HEATR1: variants seen among roughly 807,000 people sequenced by gnomAD.
HEATR1 encodes HEAT repeat containing 1.
In HEATR1, 77 loss-of-function variants were observed where a neutral mutation model predicts 248.2. That is an observed-to-expected ratio of 0.31 (90% CI 0.26 to 0.37). The LOEUF (loss-of-function observed/expected upper bound fraction) is 0.37, where lower values mean the gene tolerates loss of function less well. Ranked by LOEUF, HEATR1 falls within the 10% of genes least tolerant of loss-of-function variation. The probability of loss-of-function intolerance (pLI) is 1.00; values close to 1 mark genes in which losing one functional copy is unlikely to be tolerated. For missense variants in HEATR1, 2,420 were observed against 2,504.9 expected (o/e 0.97, Z 0.72); for synonymous variants, 897 against 923.1 (o/e 0.97, Z 0.51).
chr1:236,603,156 C>T lies in HEATR1; in HGVS notation c.359+4G>A, dbSNP rs921695490. 3.1e-6 allele frequency: 5 copies of T among 1,603,572 alleles called. No homozygotes were observed. The highest frequency in any genetic ancestry group is 4.3e-6 in the Non-Finnish European group (5 of 1,170,482). On this transcript the variant is annotated splice_donor_region_variant and intron_variant, in intron 3 of 44. Transcript: ENST00000366582. Reference sequence around the variant, plus strand: ...ATAGTTATTTCTGTAATTCTATTAGCTACCTGTGAATCAACCACTCCAGAC... The same window carrying T: ...ATAGTTATTTCTGTAATTCTATTAGTTACCTGTGAATCAACCACTCCAGAC...
chr1:236,576,709 C>A, intron 21 of HEATR1, 71 bp downstream of exon 21: 1 of 1,396,438 alleles, frequency 7.2e-7, no homozygotes, highest in Non-Finnish European at 9.8e-7. Context: ...AGTGAAATGT[C>A]GAGAATGGAG....
intron 28 of HEATR1, among the ~76,000 whole-genome samples, chr1:236,571,054 A>C (rs1000023963): frequency 6.6e-6 from 1 of 152,220 alleles, no homozygotes; most frequent in Non-Finnish European, 1.5e-5. Flanking sequence ...GTTTTATTAG[A>C]TAGATAGTGT....
At chr1:236,603,680 T>TC (rs1664388678) in intron 2 of HEATR1, among the ~76,000 whole-genome samples, 1 of 150,208 alleles carries the variant, frequency 6.7e-6, no homozygotes, top group Non-Finnish European at 1.5e-5. Flanking sequence ...ACTGCCTCCA[T>TC]CCCCCTTTTA....
Position 236,558,319 on chromosome 1 carries a change from T to A in HEATR1, c.5122A>T (p.Lys1708Ter). The A allele has an allele frequency of 6.2e-7, 1 of 1,614,146 alleles. No individual in the cohort carries two copies. Among genetic ancestry groups the A allele is most frequent in the Non-Finnish European group, 8.5e-7 (1 of 1,180,010 alleles). ...AGCAGCGCGCTTCCCAGGACATTCT[T>A]CTCCTCCTTTCTCTCTGGAGCAATC... ...KLIAPERKEE[K>*]NVLGSALLCI... The change falls in exon 36 of 45, where the codon AAG becomes TAG. Residue 1708 changes from lysine to a stop codon, truncating the protein, a stop_gained. Transcript: ENST00000366582. LOFTEE classifies it high-confidence loss of function.
At chr1:236,558,606 G>T (rs150698720) in intron 35 of HEATR1, 77 bp from the exon 36 acceptor site, 485 of 1,412,384 alleles carry the variant, frequency 3.4e-4, no homozygotes, top group Non-Finnish European at 4.3e-4. Context: ...GTCACAGCTT[G>T]AGATTGTCTA....
intron 31 of HEATR1, among the ~76,000 whole-genome samples, chr1:236,565,312 C>T (rs1295910020): frequency 6.6e-6 from 1 of 152,180 alleles, no homozygotes; most frequent in Non-Finnish European, 1.5e-5. Context: ...ACACGTCAAC[C>T]CTTTCTTAAT....
rs138177334 is a variant in HEATR1, at chr1:236,586,289, T to C, written c.1879A>G (p.Lys627Glu). 334 of 1,613,318 alleles carry C rather than the reference T, an allele frequency of 2.1e-4. No homozygotes were observed. Among genetic ancestry groups the C allele is most frequent in the Non-Finnish European group, 2.7e-4 (314 of 1,179,648 alleles). ...GGGTGCAGGGAGCAGATTCCTGATT[T>C]TGATAAATATATAGCAATTTTCATC... ...AEMKIAIYLS[K>E]SGICSLHPLL... Residue 627 changes from lysine to glutamate, a missense_variant, in exon 15 of 45, where the codon AAA becomes GAA. Coordinates refer to ENST00000366582, the MANE Select transcript of HEATR1 (RefSeq NM_018072.6).
At chr1:236,582,409 C>CT (rs200940042) in intron 19 of HEATR1, among the ~76,000 whole-genome samples, 6,969 of 138,484 alleles carry the variant, frequency 0.05, 226 homozygotes, top group Admixed American at 0.12. Context: ...CCCAGCCCAT[C>CT]TTTTTTTTTT....
chr1:236,573,951 T>TCA (rs1219522865), intron 24 of HEATR1: 5 of 275,186 alleles, frequency 1.8e-5, no homozygotes, highest in East Asian at 7.1e-5. Context: ...ATGAGAAAGA[T>TCA]CACACACACA....
rs8698 is a variant in HEATR1, at chr1:236,549,557, C to T, written c.*1345G>A. 0.53 allele frequency: 81,054 copies of T among 152,084 alleles called. 23,747 individuals carry two copies. Among genetic ancestry groups the T allele is most frequent in the Non-Finnish European group, 0.66 (44,608 of 67,994 alleles). The allele number at this position is 152,084 out of a possible 1,614,324, so 9.4% of individuals were successfully genotyped here. ...TTTTAAAAGTACTCAGTGTAGAAAT[C>T]GCTAGCCCTTAATTCTTTTCCAGCT... On this transcript the variant is annotated 3_prime_UTR_variant, in exon 45 of 45. Transcript: ENST00000366582.
Position 236,557,363 on chromosome 1 carries a change from G to A in HEATR1, c.5205-18C>T. The A allele has an allele frequency of 8.7e-6, 14 of 1,611,290 alleles. No individual in the cohort carries two copies. Among genetic ancestry groups the A allele is most frequent in the Non-Finnish European group, 1.2e-5 (14 of 1,178,032 alleles). ...GCATCAGGCTAGAAACAAAGTAAGAGCTTTAGAAGAACTTGAAGCAGAAAC... is the reference window on the plus strand; with the variant it reads ...GCATCAGGCTAGAAACAAAGTAAGAACTTTAGAAGAACTTGAAGCAGAAAC... On this transcript the variant is annotated intron_variant, in intron 36 of 44. Transcript: ENST00000366582.
Position 236,581,342 on chromosome 1 carries a change from T to G in HEATR1, c.2635A>C (p.Asn879His). The G allele has an allele frequency of 6.2e-7, 1 of 1,612,170 alleles. No individual in the cohort carries two copies. The highest frequency in any genetic ancestry group is 8.5e-7 in the Non-Finnish European group (1 of 1,179,456). ...VLWTYGSSLS[N>H]PLNCSVKTVL... ...GTTTTCACACTGCAGTTTAGTGGAT[T>G]TGAAAGGCTAGAACCATAGGTCCAT... Residue 879 changes from asparagine to histidine, a missense_variant, in exon 20 of 45, where the codon AAT (asparagine) becomes CAT (histidine). Coordinates refer to ENST00000366582, the MANE Select transcript of HEATR1 (RefSeq NM_018072.6).
chr1:236,577,951 C>A (rs1186068897), intron 20 of HEATR1, among the ~76,000 whole-genome samples: 4 of 152,184 alleles, frequency 2.6e-5, no homozygotes, highest in African/African-American at 9.7e-5. Context: ...CGGGAAATTA[C>A]CCACCTGTGC....
intron 28 of HEATR1, among the ~76,000 whole-genome samples, chr1:236,570,495 G>A (rs1023223883): frequency 6.6e-6 from 1 of 152,086 alleles, no homozygotes; most frequent in Non-Finnish European, 1.5e-5. Context: ...GCGGCAGGGA[G>A]GAGGGAGAGG....
chr1:236,563,951 T>TA (rs1050340994), intron 32 of HEATR1, among the ~76,000 whole-genome samples: 4 of 152,046 alleles, frequency 2.6e-5, no homozygotes, highest in Non-Finnish European at 5.9e-5. Flanking sequence ...CCTGTCTCTA[T>TA]AAAAAAAGTT....
chr1:236,587,799 A>G, intron 13 of HEATR1, 149 bp downstream of exon 13: 1 of 530,300 alleles, frequency 1.9e-6, no homozygotes. Context: ...AGTTTCTCCT[A>G]ACCAGACTTA....
intron 29 of HEATR1, among the ~76,000 whole-genome samples, chr1:236,568,099 G>T (rs1382125962): frequency 6.6e-6 from 1 of 152,134 alleles, no homozygotes; most frequent in Non-Finnish European, 1.5e-5. Context: ...CCTAGATCAT[G>T]CCTTTTCTCA....
At chr1:236,585,410 G>A (rs1001387913) in intron 16 of HEATR1, among the ~76,000 whole-genome samples, 194 bp from the exon 17 acceptor site, 1 of 152,072 alleles carries the variant, frequency 6.6e-6, no homozygotes, top group African/African-American at 2.4e-5. Context: ...GAACATAATT[G>A]CACTTGCCAA....
rs927299503 is a variant in HEATR1, at chr1:236,555,689, G to A, written c.5650-34C>T. 3 of 1,608,384 alleles carry A rather than the reference G, an allele frequency of 1.9e-6. No homozygotes were observed. In the Admixed American group the frequency reaches 5.0e-5, roughly 27 times the overall value. On this transcript the variant is annotated intron_variant, in intron 39 of 44. Transcript: ENST00000366582. ...AGAAGAGCCCATTTATTAGAGTGCT[G>A]ATACCTGACTGTAAATTATTTTGGC...
Sources: allele counts gnomAD v4.1 joint callset (sites outside exome capture counted in the v4.1 genomes callset), GRCh38; gene constraint gnomAD v4.1.1; transcripts MANE v1.5; gene names NCBI Gene and HGNC (gene_info 2026-07-23, HGNC 2026-07-21).